OR51B5: variants seen among roughly 807,000 people sequenced by gnomAD.
The protein encoded by OR51B5 is olfactory receptor 51B5.
For missense variants in OR51B5, 456 were observed against 374.6 expected (o/e 1.22, Z -1.79); for synonymous variants, 186 against 144.8 (o/e 1.28, Z -2.04).
chr11:5,495,148 A>G (rs1851630853), intron 1 of OR51B5, among the ~76,000 whole-genome samples: 1 of 152,188 alleles, frequency 6.6e-6, no homozygotes, highest in Non-Finnish European at 1.5e-5. Context: ...GTGGAGAAAA[A>G]TATTCAAGAG....
intron 1 of OR51B5, among the ~76,000 whole-genome samples, chr11:5,481,448 C>G (rs1310597038): frequency 8.7e-5 from 10 of 114,586 alleles, no homozygotes. Flanking sequence ...AAAACTGGCA[C>G]AAGACAGGGA....
intron 1 of OR51B5, among the ~76,000 whole-genome samples, chr11:5,373,922 C>T (rs976511705): frequency 2.2e-4 from 33 of 149,840 alleles, no homozygotes; most frequent in African/African-American, 8.1e-4. Context: ...AACAAAAAGA[C>T]AGCAGTAACC....
chr11:5,426,045 A>G (rs1368447876), intron 1 of OR51B5, among the ~76,000 whole-genome samples: 3 of 152,234 alleles, frequency 2.0e-5, no homozygotes, highest in Non-Finnish European at 4.4e-5. Flanking sequence ...AGAGGAATGA[A>G]CTATCAAGCT....
rs550208520 is a variant in OR51B5 at position 5,405,088 on chromosome 11, G to A, written n.85-58178C>T. ...GACATTCATATTTTCTACCTTGTTG[G>A]ATGCTCTTTTGCAGGCATTTAAAAT... On this transcript the variant is annotated intron_variant and non_coding_transcript_variant, in intron 1 of 4. Coordinates refer to the OR51B5 transcript ENST00000415970. Among the ~76,000 whole-genome samples, 72 of 152,240 alleles carry A rather than the reference G, an allele frequency of 4.7e-4. 1 individual carries two copies. The South Asian group carries it at 0.014, about 30-fold the overall frequency.
At chr11:5,453,983 GCTGC>G in intron 1 of OR51B5, 1 of 1,613,968 alleles carries the variant, frequency 6.2e-7, no homozygotes, top group Non-Finnish European at 8.5e-7. Flanking sequence ...TTATTAAGAG[GCTGC>G]CTATCTGCAG....
At chr11:5,352,223 G>A (rs145516485) in intron 1 of OR51B5, 3 of 1,614,160 alleles carry the variant, frequency 1.9e-6, no homozygotes, top group Non-Finnish European at 2.5e-6. Context: ...CTCAACACAT[G>A]TGTCTCTCAT....
intron 1 of OR51B5, among the ~76,000 whole-genome samples, chr11:5,348,792 C>T (rs1262415292): frequency 1.3e-5 from 2 of 152,148 alleles, no homozygotes; most frequent in South Asian, 4.1e-4. Flanking sequence ...ACCCTTACAG[C>T]ACACCCAGGA....
At chr11:5,396,863 C>T (rs1157466709) in intron 1 of OR51B5, among the ~76,000 whole-genome samples, 2 of 152,116 alleles carry the variant, frequency 1.3e-5, no homozygotes, top group Non-Finnish European at 2.9e-5. Flanking sequence ...GAGATATAGA[C>T]CAATGGAACA....
chr11:5,408,727 C>T (rs544389828), intron 1 of OR51B5, among the ~76,000 whole-genome samples: 2 of 152,190 alleles, frequency 1.3e-5, no homozygotes, highest in African/African-American at 4.8e-5. Flanking sequence ...CTCAAAACAC[C>T]AAGCACTCCC....
intron 1 of OR51B5, among the ~76,000 whole-genome samples, chr11:5,358,992 C>T (rs566475348): frequency 1.3e-5 from 2 of 151,976 alleles, no homozygotes; most frequent in African/African-American, 4.8e-5. Context: ...TGGGACGTAT[C>T]TCAAAATAAT....
upstream of OR51B5, among the ~76,000 whole-genome samples, chr11:5,347,723 C>G (rs1214411917): frequency 1.3e-5 from 2 of 151,788 alleles, no homozygotes; most frequent in Non-Finnish European, 2.9e-5. Context: ...CCAATACCCA[C>G]AAGGCTGAGG....
chr11:5,387,730 G>T (rs1321548930), intron 1 of OR51B5, among the ~76,000 whole-genome samples: 1 of 50,368 alleles, frequency 2.0e-5, no homozygotes, highest in Admixed American at 1.9e-4. Context: ...CTCCTTCCTT[G>T]AATGTTTTTC....
intron 1 of OR51B5, among the ~76,000 whole-genome samples, chr11:5,451,823 G>A (rs753655314): frequency 7.2e-5 from 11 of 152,196 alleles, no homozygotes; most frequent in African/African-American, 1.2e-4. Flanking sequence ...TCTCTAAAAT[G>A]AGGGTGACCT....
intron 1 of OR51B5, among the ~76,000 whole-genome samples, chr11:5,428,259 A>G (rs1443133501): frequency 6.7e-6 from 1 of 150,148 alleles, no homozygotes; most frequent in African/African-American, 2.5e-5. Context: ...CTGCCACAAT[A>G]AAGTGAATAT....
chr11:5,348,086 C>T (rs1429657673), upstream of OR51B5, among the ~76,000 whole-genome samples: 2 of 151,854 alleles, frequency 1.3e-5, no homozygotes, highest in East Asian at 3.9e-4. Context: ...GATTTCTTAG[C>T]AAGAGAAAAG....
intron 1 of OR51B5, among the ~76,000 whole-genome samples, chr11:5,378,088 G>A (rs1849555079): frequency 6.6e-6 from 1 of 151,900 alleles, no homozygotes; most frequent in African/African-American, 2.4e-5. Flanking sequence ...AACCAAAACA[G>A]CATGTTACTG....
At chr11:5,373,694 G>T (rs777118153) in intron 1 of OR51B5, among the ~76,000 whole-genome samples, 1 of 152,158 alleles carries the variant, frequency 6.6e-6, no homozygotes, top group Non-Finnish European at 1.5e-5. Flanking sequence ...ACATGGCTCC[G>T]AGGGTCCTAC....
intron 1 of OR51B5, among the ~76,000 whole-genome samples, chr11:5,371,302 A>T (rs1245174173): frequency 6.6e-6 from 1 of 152,176 alleles, no homozygotes; most frequent in East Asian, 1.9e-4. Context: ...CAAACACAGA[A>T]GTTCAAAAAA....
intron 1 of OR51B5, among the ~76,000 whole-genome samples, chr11:5,484,163 A>T (rs1032247710): frequency 6.6e-6 from 1 of 152,196 alleles, no homozygotes; most frequent in Non-Finnish European, 1.5e-5. Context: ...CCTCAGCAAT[A>T]TGTTCAGTCA....
Sources: allele counts gnomAD v4.1 joint callset (sites outside exome capture counted in the v4.1 genomes callset), GRCh38; gene constraint gnomAD v4.1.1; transcripts MANE v1.5; gene names NCBI Gene and HGNC (gene_info 2026-07-23, HGNC 2026-07-21).